The following CLEC16A variants were observed in gnomAD, a reference collection of about 807,000 sequenced individuals.
CLEC16A encodes the protein C-type lectin domain containing 16A.
In CLEC16A, 51 loss-of-function variants were observed where a neutral mutation model predicts 109.5. That is an observed-to-expected ratio of 0.47 (90% CI 0.37 to 0.59). The LOEUF is 0.59. Ranked by LOEUF, CLEC16A falls within the 20% of genes least tolerant of loss-of-function variation. The probability of loss-of-function intolerance (pLI) is 0.00; values close to 1 mark genes in which losing one functional copy is unlikely to be tolerated. For synonymous variants in CLEC16A, 673 were observed against 564.2 expected, an observed-to-expected ratio of 1.19 and a Z score of -2.73; for missense variants, 1,339 against 1,394.0, an observed-to-expected ratio of 0.96 and a Z score of 0.63.
rs754422508 is a variant in CLEC16A, at chr16:11,039,846, A to G, written c.1630A>G (p.Ile544Val). The change falls in exon 14 of 24, where the codon ATC becomes GTC. Residue 544 changes from isoleucine to valine, a missense_variant. By Grantham distance (29) the Ile-to-Val change is conservative. Transcript: ENST00000409790. ...TYNHPLAERLIRIMNNAAQPD... is the reference protein window; with the variant it reads ...TYNHPLAERLVRIMNNAAQPD... ...CAACCACCCGCTAGCTGAAAGACTC[A>G]TCAGGATCATGAACAACGCTGCCCA... 35 of 1,612,466 alleles carry G rather than the reference A, an allele frequency of 2.2e-5. No individual in the cohort carries two copies. The highest frequency in any genetic ancestry group is 2.7e-5 in the Non-Finnish European group (32 of 1,179,202).
chr16:11,017,098 C>T (rs774659810), intron 11 of CLEC16A, among the ~76,000 whole-genome samples: 18 of 152,138 alleles, frequency 1.2e-4, no homozygotes, highest in African/African-American at 4.3e-4. Flanking sequence ...TATCTCCCCA[C>T]GAGAACACTT....
chr16:10,966,606 G>T (rs1038807104), intron 3 of CLEC16A, among the ~76,000 whole-genome samples: 1 of 152,194 alleles, frequency 6.6e-6, no homozygotes, highest in Non-Finnish European at 1.5e-5. Context: ...TTGACTTACA[G>T]CTCAGCACTG....
At chr16:11,142,433 G>A (rs1157517044) in intron 22 of CLEC16A, among the ~76,000 whole-genome samples, 1 of 152,404 alleles carries the variant, frequency 6.6e-6, no homozygotes, top group African/African-American at 2.4e-5. Flanking sequence ...TTGGCACTAA[G>A]CAGCTGTCTA....
chr16:11,124,824 T>C (rs2052685508), intron 21 of CLEC16A, among the ~76,000 whole-genome samples: 1 of 152,156 alleles, frequency 6.6e-6, no homozygotes, highest in Admixed American at 6.5e-5. Flanking sequence ...CGGTGGTTCA[T>C]GTCTGTAATC....
At chr16:11,089,354 C>T (rs1204534265) in intron 19 of CLEC16A, among the ~76,000 whole-genome samples, 4 of 152,088 alleles carry the variant, frequency 2.6e-5, no homozygotes, top group African/African-American at 9.7e-5. Flanking sequence ...TGGAAGCACC[C>T]GAGGGACCAT....
At position 11,027,264 on chromosome 16, in the gene CLEC16A, T is replaced by C. The variant is rs536188283; in HGVS notation, c.1537+2343T>C. ...AGAAGTGAAACCTCATGCCGTGGAA[T>C]TGCCAGATAAACATTCCTTGGCCTT... On this transcript the variant is annotated intron_variant, in intron 13 of 23. Coordinates refer to ENST00000409790, the MANE Select transcript of CLEC16A (RefSeq NM_015226.3). 1.2e-5 allele frequency: 19 copies of C among 1,547,970 alleles called. No individual in the cohort carries two copies. The Admixed American group carries it at 3.0e-4, about 25-fold the overall frequency.
chr16:11,010,311 C>T (rs908538013), intron 11 of CLEC16A, among the ~76,000 whole-genome samples: 1 of 151,718 alleles, frequency 6.6e-6, no homozygotes, highest in Non-Finnish European at 1.5e-5. Flanking sequence ...CTCCCTTTCT[C>T]AATGCACACA....
At chr16:11,065,187 G>A (rs1217232098) in intron 19 of CLEC16A, among the ~76,000 whole-genome samples, 1 of 152,148 alleles carries the variant, frequency 6.6e-6, no homozygotes, top group Non-Finnish European at 1.5e-5. Context: ...AGATTCCTTG[G>A]GATTGACCTC....
intron 22 of CLEC16A, among the ~76,000 whole-genome samples, chr16:11,152,147 T>A (rs1319256078): frequency 6.6e-6 from 1 of 152,132 alleles, no homozygotes; most frequent in Non-Finnish European, 1.5e-5. Context: ...GAAGGATAAA[T>A]TTAGCCTGCA....
At chr16:11,075,430 G>GTC (rs2049315322) in intron 19 of CLEC16A, among the ~76,000 whole-genome samples, 2 of 123,610 alleles carry the variant, frequency 1.6e-5, no homozygotes, top group East Asian at 4.4e-4. Context: ...GTGTGTGTAT[G>GTC]TGTGTGTGTG....
At chr16:11,140,398 A>T (rs2053768356) in intron 22 of CLEC16A, among the ~76,000 whole-genome samples, 1 of 152,204 alleles carries the variant, frequency 6.6e-6, no homozygotes, top group Non-Finnish European at 1.5e-5. Flanking sequence ...GTTGACATTT[A>T]CAAAGTCTTG....
intron 19 of CLEC16A, among the ~76,000 whole-genome samples, chr16:11,110,376 A>G (rs961029941): frequency 6.6e-6 from 1 of 152,134 alleles, no homozygotes; most frequent in African/African-American, 2.4e-5. Flanking sequence ...GGAAATGTAG[A>G]GAGGGACTGG....
At chr16:11,095,477 A>C (rs1204354818) in intron 19 of CLEC16A, among the ~76,000 whole-genome samples, 1 of 152,210 alleles carries the variant, frequency 6.6e-6, no homozygotes, top group Admixed American at 6.5e-5. Flanking sequence ...GGCAGTCAGC[A>C]TAGCTGAGGG....
At chr16:11,066,250 G>A (rs920241755) in intron 19 of CLEC16A, among the ~76,000 whole-genome samples, 1 of 152,186 alleles carries the variant, frequency 6.6e-6, no homozygotes, top group African/African-American at 2.4e-5. Flanking sequence ...GGCCATTTAG[G>A]AGGCTGTGGC....
chr16:11,080,435 A>G (rs951111374), intron 19 of CLEC16A, among the ~76,000 whole-genome samples: 8 of 152,138 alleles, frequency 5.3e-5, no homozygotes, highest in African/African-American at 1.7e-4. Context: ...CAACCTGGGG[A>G]AGGGCCTTCC....
At chr16:11,055,701 C>T (rs2048179540) in intron 18 of CLEC16A, among the ~76,000 whole-genome samples, 1 of 145,108 alleles carries the variant, frequency 6.9e-6, no homozygotes. Flanking sequence ...GATTCTCCTG[C>T]CTCAGCCTCT....
intron 11 of CLEC16A, among the ~76,000 whole-genome samples, chr16:11,010,447 A>G (rs1027451968): frequency 6.6e-6 from 1 of 152,188 alleles, no homozygotes; most frequent in Non-Finnish European, 1.5e-5. Context: ...CAAATTTACA[A>G]AAGGTGCAAA....
intron 15 of CLEC16A, 68 bp from the exon 16 acceptor site, chr16:11,043,960 C>A: frequency 4.8e-6 from 6 of 1,252,150 alleles, no homozygotes; most frequent in South Asian, 4.3e-5. Context: ...TTTTAGAATT[C>A]GTAGTTTGCC....
In CLEC16A at chr16:11,077,817, T is replaced by C. The variant is rs145103893; in HGVS notation, c.2116+16795T>C. Among the ~76,000 whole-genome samples the C allele has an allele frequency of 2.6e-5, 4 of 151,992 alleles. No individual in the cohort carries two copies. In the East Asian group the frequency reaches 7.8e-4, roughly 30 times the overall value. On this transcript the variant is annotated intron_variant, in intron 19 of 23. Coordinates refer to ENST00000409790, the MANE Select transcript of CLEC16A (RefSeq NM_015226.3). ...AAATGTTGTTCATACTTCTAAACTT[T>C]TAAGAAATGTACAGAATATGGCTAG...
Sources: gnomAD v4.1 joint callset for allele counts (sites outside exome capture counted in the v4.1 genomes callset) on GRCh38, gnomAD v4.1.1 for gene constraint, MANE v1.5 for transcripts, NCBI Gene and HGNC (gene_info 2026-07-23, HGNC 2026-07-21) for gene names.